EYS: variants seen among roughly 807,000 people sequenced by gnomAD.
The protein encoded by EYS is EGF-like photoreceptor maintenance factor.
In EYS, 250 loss-of-function variants were observed where a neutral mutation model predicts 282.1. The ratio of observed to expected loss-of-function variants is 0.89; its 90% CI spans 0.80 to 0.98. The LOEUF is 0.98. Among genes scored for constraint, EYS ranks in the 50% least tolerant of loss-of-function variants. EYS has a pLI of 0.00. For missense variants in EYS, 4,016 were observed against 3,709.0 expected, an observed-to-expected ratio of 1.08 and a Z score of -2.15; for synonymous variants, 1,355 against 1,282.9, an observed-to-expected ratio of 1.06 and a Z score of -1.20.
intron 35 of EYS, among the ~76,000 whole-genome samples, chr6:63,983,839 A>T (rs541787009): frequency 3.4e-4 from 51 of 151,906 alleles, no homozygotes; most frequent in Middle Eastern, 3.4e-3. Context: ...AAGTAATTTT[A>T]ATTAAAATCT....
At chr6:65,269,457 T>C (rs780639985) in intron 12 of EYS, among the ~76,000 whole-genome samples, 3 of 152,152 alleles carry the variant, frequency 2.0e-5, no homozygotes, top group Non-Finnish European at 2.9e-5. Flanking sequence ...ACTTGTGACA[T>C]CCAGCCCTGA....
At chr6:65,076,641 T>G (rs1166441749) in intron 12 of EYS, among the ~76,000 whole-genome samples, 1 of 151,582 alleles carries the variant, frequency 6.6e-6, no homozygotes, top group African/African-American at 2.4e-5. Flanking sequence ...CAGAGTGCAT[T>G]GATAAGCAAT....
intron 8 of EYS, among the ~76,000 whole-genome samples, chr6:65,371,103 A>C (rs1257059669): frequency 6.6e-6 from 1 of 151,814 alleles, no homozygotes; most frequent in Non-Finnish European, 1.5e-5. Context: ...CATGGATTCA[A>C]CCAACTGTGG....
chr6:64,276,481 T>G (rs1255583482), intron 30 of EYS, among the ~76,000 whole-genome samples: 1 of 152,182 alleles, frequency 6.6e-6, no homozygotes, highest in African/African-American at 2.4e-5. Flanking sequence ...TTATCAAATC[T>G]AGAATCAATG....
chr6:65,544,373 A>G (rs1172718172), intron 2 of EYS, among the ~76,000 whole-genome samples: 2 of 152,218 alleles, frequency 1.3e-5, no homozygotes, highest in Non-Finnish European at 2.9e-5. Flanking sequence ...GGACTAAAGT[A>G]TCCTGTATAT....
chr6:65,482,394 G>T (rs1283939228), intron 5 of EYS, among the ~76,000 whole-genome samples: 2 of 152,130 alleles, frequency 1.3e-5, no homozygotes, highest in African/African-American at 4.8e-5. Context: ...TGAGAGCAAG[G>T]ACTAGTTCAA....
At chr6:64,230,496 G>T in intron 31 of EYS, 96 bp downstream of exon 31, 1 of 747,470 alleles carries the variant, frequency 1.3e-6, no homozygotes, top group South Asian at 1.8e-5. Flanking sequence ...GTTTGTGCTA[G>T]TACCCATCAC....
At position 64,230,942 on chromosome 6, in the gene EYS, T is replaced by A; in HGVS notation, c.6192-118A>T. The A allele has an allele frequency of 1.6e-5, 9 of 548,888 alleles. No individual in the cohort carries two copies. In the South Asian group the frequency reaches 3.1e-4, roughly 19 times the overall value. 34.0% of individuals were successfully genotyped at this position (548,888 alleles called of 1,614,324 possible). A position where few individuals can be genotyped will look rare whatever the true frequency, so the allele number is the denominator to read the frequency against. On this transcript the variant is annotated intron_variant, in intron 30 of 42. Coordinates refer to ENST00000503581, the MANE Select transcript of EYS (RefSeq NM_001142800.2). ...AAAATGAAACCAATACTGATCAAGG[T>A]TTAACTGAGGACAAATAAAATTATC... is the stretch of plus-strand genomic sequence containing the variant.
rs142048508 is a variant in EYS, at chr6:64,213,816, G to C, written c.6424+16776C>G. Among the ~76,000 whole-genome samples the C allele has an allele frequency of 1.6e-4, 25 of 152,226 alleles. No homozygotes were observed. The East Asian group carries it at 4.8e-3, about 29-fold the overall frequency. ...TTTATAATGCGAATGGGTTTAAAAT[G>C]AAGGAAACATTGCTTTACAATAGTG... On this transcript the variant is annotated intron_variant, in intron 31 of 42. Transcript: ENST00000503581.
At chr6:64,518,661 C>G (rs540492968) in intron 26 of EYS, among the ~76,000 whole-genome samples, 2 of 151,730 alleles carry the variant, frequency 1.3e-5, no homozygotes, top group African/African-American at 2.4e-5. Flanking sequence ...ATTGTAGCTC[C>G]CATAATCTCC....
chr6:65,026,554 A>G (rs149397593), intron 13 of EYS, among the ~76,000 whole-genome samples: 1 of 152,280 alleles, frequency 6.6e-6, no homozygotes, highest in African/African-American at 2.4e-5. Context: ...CTGTGTCAGA[A>G]GGTGCATTAG....
intron 28 of EYS, among the ~76,000 whole-genome samples, chr6:64,432,930 T>G (rs1774620956): frequency 6.6e-6 from 1 of 152,106 alleles, no homozygotes; most frequent in South Asian, 2.1e-4. Context: ...ATTTTTAGTA[T>G]GTGTGCTTTT....
At chr6:65,481,798 C>T (rs367561705) in intron 5 of EYS, among the ~76,000 whole-genome samples, 1 of 152,078 alleles carries the variant, frequency 6.6e-6, no homozygotes, top group Non-Finnish European at 1.5e-5. Context: ...TCTCGATCTC[C>T]TTACCTCATG....
intron 33 of EYS, among the ~76,000 whole-genome samples, chr6:64,036,819 A>G (rs1770145201): frequency 6.6e-6 from 1 of 152,184 alleles, no homozygotes; most frequent in Non-Finnish European, 1.5e-5. Flanking sequence ...TCTACCTTCT[A>G]CAGATGAGGA....
chr6:64,033,975 T>C (rs1463021808), intron 33 of EYS, among the ~76,000 whole-genome samples: 2 of 152,148 alleles, frequency 1.3e-5, no homozygotes, highest in African/African-American at 2.4e-5. Context: ...TTTTACAGTA[T>C]AGTCTAATTT....
chr6:64,088,648 T>A (rs1199911884), intron 31 of EYS, among the ~76,000 whole-genome samples: 2 of 151,978 alleles, frequency 1.3e-5, no homozygotes, highest in Non-Finnish European at 2.9e-5. Flanking sequence ...TTATTTTTTT[T>A]AACCAAGCAT....
chr6:64,597,053 G>C (rs141114462), intron 24 of EYS, among the ~76,000 whole-genome samples: 1 of 151,750 alleles, frequency 6.6e-6, no homozygotes, highest in Non-Finnish European at 1.5e-5. Context: ...GTGGACAAGG[G>C]GCATGAATAG....
intron 2 of EYS, among the ~76,000 whole-genome samples, chr6:65,507,096 T>C (rs1037662476): frequency 6.6e-6 from 1 of 152,000 alleles, no homozygotes; most frequent in Admixed American, 6.6e-5. Flanking sequence ...TTTTTCAATA[T>C]CGTTTGCATG....
chr6:64,720,389 T>C (rs190735241), intron 22 of EYS, among the ~76,000 whole-genome samples: 83 of 152,306 alleles, frequency 5.4e-4, no homozygotes, highest in African/African-American at 1.9e-3. Flanking sequence ...ACTTAATCCT[T>C]AAGTAAATTT....
Sources: gnomAD v4.1 joint callset for allele counts (sites outside exome capture counted in the v4.1 genomes callset) on GRCh38, gnomAD v4.1.1 for gene constraint, MANE v1.5 for transcripts, NCBI Gene and HGNC (gene_info 2026-07-23, HGNC 2026-07-21) for gene names.